PROM1: variants seen among roughly 807,000 people sequenced by gnomAD.
PROM1 encodes prominin-1.
A neutral mutation model predicts 116.9 loss-of-function variants in PROM1; 105 were observed. The observed-to-expected ratio is 0.90, with a 90% CI of 0.77 to 1.06. The LOEUF (loss-of-function observed/expected upper bound fraction) is 1.06. Ranked by LOEUF, PROM1 falls within the 50% of genes least tolerant of loss-of-function variation. The probability of loss-of-function intolerance (pLI) is 0.00; values close to 1 mark genes in which losing one functional copy is unlikely to be tolerated. For missense variants in PROM1, 1,122 were observed against 1,045.2 expected (o/e 1.07, Z -1.01); for synonymous variants, 393 against 387.0 (o/e 1.02, Z -0.18).
chr4:16,046,076 A>C (rs1736483091), intron 2 of PROM1, among the ~76,000 whole-genome samples: 1 of 152,218 alleles, frequency 6.6e-6, no homozygotes, highest in Non-Finnish European at 1.5e-5. Flanking sequence ...ATAGGGGTCA[A>C]GGCTAAGTTG....
intron 23 of PROM1, among the ~76,000 whole-genome samples, chr4:15,981,672 T>A (rs1718003995): frequency 6.6e-6 from 1 of 152,158 alleles, no homozygotes; most frequent in Non-Finnish European, 1.5e-5. Context: ...GACATTACTG[T>A]GTCAAGAAGT....
intron 1 of PROM1, 147 bp from the exon 2 acceptor site, chr4:16,076,265 T>C (rs1743932784): frequency 4.4e-6 from 1 of 227,278 alleles, no homozygotes; most frequent in South Asian, 1.1e-4. Flanking sequence ...CACAACCTGC[T>C]CCAGAGCCAC....
intron 2 of PROM1, 80 bp from the exon 3 acceptor site, chr4:16,039,081 T>G: frequency 1.7e-6 from 2 of 1,173,986 alleles, no homozygotes; most frequent in South Asian, 4.2e-5. Context: ...GATCTTTATA[T>G]GCTTAAAAAT....
intron 1 of PROM1, among the ~76,000 whole-genome samples, chr4:16,080,158 C>T (rs552648282): frequency 3.0e-4 from 46 of 151,902 alleles, no homozygotes; most frequent in Admixed American, 1.2e-3. Context: ...TACCACTGCA[C>T]TCCAGCCTGG....
chr4:16,058,857 A>T (rs1465299151), intron 2 of PROM1, among the ~76,000 whole-genome samples: 1 of 152,148 alleles, frequency 6.6e-6, no homozygotes, highest in African/African-American at 2.4e-5. Flanking sequence ...AACAAAGATA[A>T]TTTTTCAGTT....
In PROM1 at chr4:15,980,973, A is replaced by AT. The variant is rs111811261; in HGVS notation, c.2374-437dup. On this transcript the variant is annotated intron_variant, in intron 23 of 27. Transcript: ENST00000447510. ...TATTTATTTATTTATTTATTTATTT[A>AT]TTATTTTAGACAGAATCTCACTCTG... Among the ~76,000 whole-genome samples, 6 of 146,308 alleles carry AT rather than the reference A, an allele frequency of 4.1e-5. No homozygotes were observed. In the East Asian group the frequency reaches 1.0e-3, roughly 25 times the overall value.
Position 15,980,508 on chromosome 4 carries a change from A to T in PROM1, c.2403T>A (p.Ala801=). The change falls in exon 24 of 28, where the codon GCT becomes GCA. Residue 801 remains alanine (A), a synonymous_variant. Transcript: ENST00000447510. ...LNLFWFGIGK[A]TVFLLPALIF... Reference sequence around the variant, plus strand: ...TTAGAGCCGGAAGTAAAAATACAGTAGCTTTTCCTATGCCAAACCAAAACA... The same window carrying T: ...TTAGAGCCGGAAGTAAAAATACAGTTGCTTTTCCTATGCCAAACCAAAACA... 6.4e-7 allele frequency: 1 copy of T among 1,551,810 alleles called. No individual in the cohort carries two copies. The highest frequency in any genetic ancestry group is 8.7e-7 in the Non-Finnish European group (1 of 1,147,158).
chr4:15,974,332 A>G (rs1302101485), intron 26 of PROM1, among the ~76,000 whole-genome samples: 3 of 152,334 alleles, frequency 2.0e-5, no homozygotes, highest in East Asian at 3.9e-4. Context: ...GTAGGTTTAT[A>G]TGAAAGTCTA....
intron 2 of PROM1, among the ~76,000 whole-genome samples, chr4:16,072,006 T>A (rs576348399): frequency 6.6e-6 from 1 of 152,246 alleles, no homozygotes; most frequent in Non-Finnish European, 1.5e-5. Context: ...AAGCCCCCTG[T>A]GTAGAGTAAT....
chr4:16,070,884 T>C (rs1179778733), intron 2 of PROM1, among the ~76,000 whole-genome samples: 1 of 152,152 alleles, frequency 6.6e-6, no homozygotes, highest in African/African-American at 2.4e-5. Context: ...AGTTCAATGA[T>C]CCCTCCTGGA....
chr4:16,041,769 AATAAATAAATAAATAAATAT>A (rs1384106840), intron 2 of PROM1, among the ~76,000 whole-genome samples: 5 of 40,138 alleles, frequency 1.2e-4, no homozygotes, highest in African/African-American at 3.3e-4. Context: ...TAAATAAATA[AATAAATAAATAAATAAATAT>A]ATATATATAT....
At chr4:15,985,550 T>G in intron 22 of PROM1, 1 of 560,826 alleles carries the variant, frequency 1.8e-6, no homozygotes, top group Admixed American at 3.6e-5. Context: ...GAACTGCATA[T>G]GGCAAAGGTG....
rs149885652 is a variant in PROM1 at position 15,972,993 on chromosome 4, G to A, written c.2583-1911C>T. Among the ~76,000 whole-genome samples, 12 of 152,212 alleles carry A rather than the reference G, an allele frequency of 7.9e-5. No homozygotes were observed. The East Asian group carries it at 1.4e-3, about 17-fold the overall frequency. ...CAGAAAAAGGAAGGTCCTGGCCCCCGAAGAACCTGAAACATCACACAAGGG... is the reference window on the plus strand; with the variant it reads ...CAGAAAAAGGAAGGTCCTGGCCCCCAAAGAACCTGAAACATCACACAAGGG... On this transcript the variant is annotated intron_variant, in intron 26 of 27. Coordinates refer to ENST00000447510, the MANE Select transcript of PROM1 (RefSeq NM_006017.3).
At chr4:16,025,595 G>A (rs757492889) in intron 5 of PROM1, among the ~76,000 whole-genome samples, 16 of 152,186 alleles carry the variant, frequency 1.1e-4, no homozygotes, top group African/African-American at 2.4e-5. Context: ...ACAAATTGTG[G>A]AGGAAATAGG....
At chr4:15,975,312 C>T (rs551398114) in intron 26 of PROM1, among the ~76,000 whole-genome samples, 222 of 152,130 alleles carry the variant, frequency 1.5e-3, no homozygotes, top group South Asian at 7.5e-3. Context: ...CTCCGCCTCC[C>T]GGGTTCAAGC....
At chr4:15,990,355 C>T (rs575630219) in intron 18 of PROM1, among the ~76,000 whole-genome samples, 6 of 152,236 alleles carry the variant, frequency 3.9e-5, no homozygotes, top group South Asian at 4.1e-4. Context: ...GCTTCTTGGA[C>T]GGGGCCAGTT....
At chr4:16,078,714 T>C (rs1744447691) in intron 1 of PROM1, among the ~76,000 whole-genome samples, 1 of 152,212 alleles carries the variant, frequency 6.6e-6, no homozygotes, top group Non-Finnish European at 1.5e-5. Context: ...GAAGGTGACA[T>C]ACTTTGCAAG....
At chr4:15,978,976 T>C (rs1404780810) in intron 26 of PROM1, among the ~76,000 whole-genome samples, 5 of 148,302 alleles carry the variant, frequency 3.4e-5, no homozygotes, top group African/African-American at 1.3e-4. Context: ...AGTTAATTTA[T>C]TGGAAGGAAG....
intron 11 of PROM1, among the ~76,000 whole-genome samples, chr4:16,011,015 C>T (rs1726761149): frequency 6.6e-6 from 1 of 152,074 alleles, no homozygotes; most frequent in Non-Finnish European, 1.5e-5. Flanking sequence ...TTGGTTACTT[C>T]TGAGATTTTC....
Sources: allele counts gnomAD v4.1 joint callset (sites outside exome capture counted in the v4.1 genomes callset), GRCh38; gene constraint gnomAD v4.1.1; transcripts MANE v1.5; gene names NCBI Gene and HGNC (gene_info 2026-07-23, HGNC 2026-07-21).